Variants in LIMCH1 observed in about 807,000 individuals in gnomAD.
LIMCH1 encodes the protein LIM and calponin homology domains-containing protein 1.
Under a neutral mutation model 176.5 loss-of-function variants are expected in LIMCH1, and 113 were observed. The observed-to-expected ratio is 0.64, with a 90% CI of 0.55 to 0.75. The LOEUF is 0.75. LIMCH1 is among the 30% of genes least tolerant of loss of function. LIMCH1 has a pLI of 0.00. For synonymous variants in LIMCH1, 619 were observed against 645.9 expected (o/e 0.96, Z 0.63); for missense variants, 1,674 against 1,814.9 (o/e 0.92, Z 1.41).
At chr4:41,378,537 G>T (rs1032787685) in intron 1 of LIMCH1, among the ~76,000 whole-genome samples, 11 of 152,144 alleles carry the variant, frequency 7.2e-5, no homozygotes, top group Non-Finnish European at 1.3e-4. Context: ...TAAGCAATGG[G>T]GTATGACTTA....
chr4:41,465,669 G>A (rs892762139), intron 1 of LIMCH1, among the ~76,000 whole-genome samples: 1 of 152,200 alleles, frequency 6.6e-6, no homozygotes, highest in African/African-American at 2.4e-5. Flanking sequence ...TAACTCCAAA[G>A]CTAGTGTTTT....
At chr4:41,550,028 C>T (rs1056843204) in intron 1 of LIMCH1, among the ~76,000 whole-genome samples, 1 of 151,296 alleles carries the variant, frequency 6.6e-6, no homozygotes, top group Non-Finnish European at 1.5e-5. Context: ...AAAGTAATGG[C>T]GAAAACCACA....
intron 1 of LIMCH1, among the ~76,000 whole-genome samples, chr4:41,476,565 T>C (rs1345617478): frequency 2.0e-5 from 3 of 152,208 alleles, no homozygotes; most frequent in African/African-American, 7.2e-5. Context: ...CCACCTGCTG[T>C]CTGTATCACA....
chr4:41,430,148 G>C (rs1332748455), intron 1 of LIMCH1, among the ~76,000 whole-genome samples: 1 of 152,146 alleles, frequency 6.6e-6, no homozygotes, highest in African/African-American at 2.4e-5. Flanking sequence ...TGAATGGAGT[G>C]TATTCTAATT....
At chr4:41,478,370 C>T (rs980552012) in intron 1 of LIMCH1, among the ~76,000 whole-genome samples, 3 of 152,166 alleles carry the variant, frequency 2.0e-5, no homozygotes, top group African/African-American at 7.2e-5. Context: ...AGTTGTGTTG[C>T]CCAAGTCAAG....
intron 31 of LIMCH1, among the ~76,000 whole-genome samples, chr4:41,693,729 T>C (rs1457483653): frequency 5.9e-5 from 9 of 152,166 alleles, no homozygotes; most frequent in Admixed American, 5.9e-4. Flanking sequence ...AATGCGAATT[T>C]TCCTATCGTC....
At chr4:41,447,417 C>T (rs1561400416) in intron 1 of LIMCH1, among the ~76,000 whole-genome samples, 2 of 152,174 alleles carry the variant, frequency 1.3e-5, no homozygotes, top group East Asian at 1.9e-4. Flanking sequence ...AAACCTTGGG[C>T]AGCAAAATGC....
intron 1 of LIMCH1, among the ~76,000 whole-genome samples, chr4:41,370,134 G>A (rs187248795): frequency 3.1e-4 from 47 of 152,194 alleles, no homozygotes; most frequent in Admixed American, 1.6e-3. Context: ...GCTGCAAGGC[G>A]GGAGAGCAGA....
At chr4:41,463,326 A>G (rs966584693) in intron 1 of LIMCH1, among the ~76,000 whole-genome samples, 4 of 152,108 alleles carry the variant, frequency 2.6e-5, no homozygotes, top group Non-Finnish European at 1.5e-5. Flanking sequence ...CATTGCTAGC[A>G]GAGACTATAT....
intron 1 of LIMCH1, among the ~76,000 whole-genome samples, chr4:41,575,697 G>T (rs1366646416): frequency 6.6e-6 from 1 of 152,160 alleles, no homozygotes; most frequent in Non-Finnish European, 1.5e-5. Flanking sequence ...ATATGTGAAA[G>T]GAGCTGTGTC....
chr4:41,453,123 A>G (rs966183125), intron 1 of LIMCH1, among the ~76,000 whole-genome samples: 1 of 152,202 alleles, frequency 6.6e-6, no homozygotes, highest in Admixed American at 6.5e-5. Flanking sequence ...GACTGCAGCA[A>G]ACAAGAGGAC....
At chr4:41,645,586 C>G (rs938948342) in intron 15 of LIMCH1, among the ~76,000 whole-genome samples, 3 of 152,172 alleles carry the variant, frequency 2.0e-5, no homozygotes, top group African/African-American at 7.2e-5. Context: ...AATCCTCACT[C>G]TTCATCATTA....
chr4:41,432,757 A>G (rs755730791), intron 1 of LIMCH1, among the ~76,000 whole-genome samples: 7 of 152,168 alleles, frequency 4.6e-5, no homozygotes, highest in Non-Finnish European at 7.3e-5. Flanking sequence ...AATGGCAACG[A>G]TCCTTCCTGT....
At chr4:41,399,262 T>C (rs2058117633) in intron 1 of LIMCH1, among the ~76,000 whole-genome samples, 1 of 152,138 alleles carries the variant, frequency 6.6e-6, no homozygotes, top group Non-Finnish European at 1.5e-5. Context: ...TGCTTGTTTC[T>C]TATATTAAGA....
At chr4:41,590,863 C>G (rs2087421044) in intron 1 of LIMCH1, among the ~76,000 whole-genome samples, 1 of 152,176 alleles carries the variant, frequency 6.6e-6, no homozygotes, top group Non-Finnish European at 1.5e-5. Context: ...TGGAGTGTGA[C>G]TGTTACCCAT....
At chr4:41,511,025 C>G (rs1379580000) in intron 2 of LIMCH1, among the ~76,000 whole-genome samples, 3 of 152,204 alleles carry the variant, frequency 2.0e-5, no homozygotes, top group Non-Finnish European at 4.4e-5. Flanking sequence ...CTTCCTTAAG[C>G]CACTGTAGAC....
At chr4:41,472,997 C>G (rs1432896170) in intron 1 of LIMCH1, 10 of 981,048 alleles carry the variant, frequency 1.0e-5, no homozygotes, top group Non-Finnish European at 1.1e-5. Flanking sequence ...TTTTTTTCTC[C>G]TCGGTAGGCC....
chr4:41,655,064 A>G (rs2094425769), intron 18 of LIMCH1, among the ~76,000 whole-genome samples: 1 of 152,198 alleles, frequency 6.6e-6, no homozygotes, highest in Non-Finnish European at 1.5e-5. Flanking sequence ...TTAGTGGCCT[A>G]CAGAAAGATA....
intron 1 of LIMCH1, among the ~76,000 whole-genome samples, chr4:41,549,004 T>C (rs2079999358): frequency 6.6e-6 from 1 of 152,136 alleles, no homozygotes; most frequent in Non-Finnish European, 1.5e-5. Context: ...CTGAGACCTT[T>C]CTACCTGTGA....
Sources: allele counts gnomAD v4.1 joint callset (sites outside exome capture counted in the v4.1 genomes callset), GRCh38; gene constraint gnomAD v4.1.1; transcripts MANE v1.5; gene names NCBI Gene and HGNC (gene_info 2026-07-23, HGNC 2026-07-21).